SIRPG: variants seen among roughly 807,000 people sequenced by gnomAD.
SIRPG encodes the protein signal regulatory protein gamma.
In SIRPG, 38 loss-of-function variants were observed where a neutral mutation model predicts 35.7. The observed-to-expected ratio is 1.06, with a 90% CI of 0.82 to 1.40. The LOEUF is 1.40. Ranked by LOEUF, SIRPG falls within the 40% of genes most tolerant of loss-of-function variation. The pLI is 0.00. For synonymous variants in SIRPG, 215 were observed against 190.4 expected (o/e 1.13, Z -1.06); for missense variants, 519 against 483.0 (o/e 1.07, Z -0.70).
intron 2 of SIRPG, chr20:1,647,529 C>T (rs919572447): frequency 6.6e-6 from 1 of 152,184 alleles, no homozygotes; most frequent in African/African-American, 2.4e-5. Context: ...AATACACACA[C>T]CCTCTGACTT....
At chr20:1,680,523 T>C in the SIRPG span, among the ~76,000 whole-genome samples, 1 of 152,242 alleles carries the variant, frequency 6.6e-6, no homozygotes, top group African/African-American at 2.4e-5. Flanking sequence ...ACAGTTGGCA[T>C]TATTACTGCT....
At chr20:1,657,521 A>C in intron 1 of SIRPG, 121 bp downstream of exon 1, 1 of 956,682 alleles carries the variant, frequency 1.0e-6, no homozygotes, top group Non-Finnish European at 1.7e-6. Flanking sequence ...GCTCTTGGAC[A>C]ATGTCCAGTC....
the SIRPG span, among the ~76,000 whole-genome samples, chr20:1,669,600 G>A: frequency 2.0e-5 from 3 of 152,214 alleles, no homozygotes; most frequent in Non-Finnish European, 2.9e-5. Context: ...AAGAACAGCA[G>A]GAGGGCTGAT....
chr20:1,633,097 TAAG>T (rs1568722934), intron 4 of SIRPG, among the ~76,000 whole-genome samples: 1 of 151,842 alleles, frequency 6.6e-6, no homozygotes, highest in East Asian at 1.9e-4. Context: ...AAAAAGATAA[TAAG>T]GAGATATTAT....
chr20:1,685,823 T>A, the SIRPG span, among the ~76,000 whole-genome samples: 2 of 152,134 alleles, frequency 1.3e-5, no homozygotes, highest in African/African-American at 4.8e-5. Context: ...TCAGGCACTG[T>A]TTCAGACTTC....
chr20:1,649,054 C>A lies in SIRPG; in HGVS notation c.428G>T (p.Gly143Val), dbSNP rs1468867126. ...AGGGAGGTCCATGTTGTACTCACCA[C>A]CCAAAGCCATCTCAGTGCCTGGTCC... ...KSGPGTEMAL[G>V]AKPSAPVVLG... The change falls in exon 2 of 6, where the codon GGT becomes GTT. Residue 143 changes from glycine to valine, a missense_variant and splice_region_variant. Physicochemically the swap from Gly to Val is moderately radical, Grantham distance 109. Coordinates refer to ENST00000303415, the MANE Select transcript of SIRPG (RefSeq NM_018556.4). The A allele has an allele frequency of 1.2e-6, 2 of 1,613,256 alleles. No homozygotes were observed. The highest frequency in any genetic ancestry group is 4.5e-5 in the East Asian group (2 of 44,884).
chr20:1,642,052 G>C (rs1476688316), intron 2 of SIRPG, among the ~76,000 whole-genome samples: 1 of 152,208 alleles, frequency 6.6e-6, no homozygotes, highest in Non-Finnish European at 1.5e-5. Flanking sequence ...GTGGCACTGA[G>C]AACAATGTGT....
At chr20:1,666,734 TCACGTG>T in the SIRPG span, 1 of 152,168 alleles carries the variant, frequency 6.6e-6, no homozygotes, top group Non-Finnish European at 1.5e-5. Context: ...TCCTAGGACT[TCACGTG>T]CATGCATCAC....
chr20:1,680,839 T>TC, the SIRPG span, among the ~76,000 whole-genome samples: 1 of 152,192 alleles, frequency 6.6e-6, no homozygotes, highest in Non-Finnish European at 1.5e-5. Context: ...CTTGTTTTTT[T>TC]GGCACTATCT....
chr20:1,678,780 C>A, the SIRPG span, among the ~76,000 whole-genome samples: 490 of 152,214 alleles, frequency 3.2e-3, 3 homozygotes, highest in African/African-American at 0.011. Context: ...CACATTAAGA[C>A]ACATTATAAT....
chr20:1,643,501 C>A (rs528488915), intron 2 of SIRPG, among the ~76,000 whole-genome samples: 2 of 152,080 alleles, frequency 1.3e-5, no homozygotes, highest in African/African-American at 4.8e-5. Context: ...AGCTTCTTTG[C>A]GTTGGGTTAG....
chr20:1,644,527 C>G (rs546014129), intron 2 of SIRPG, among the ~76,000 whole-genome samples: 1 of 152,302 alleles, frequency 6.6e-6, no homozygotes, highest in Admixed American at 6.5e-5. Flanking sequence ...TGCCGCCTAT[C>G]TCCCAAGGAG....
At chr20:1,631,264 TC>T (rs1309190178) in intron 4 of SIRPG, among the ~76,000 whole-genome samples, 1 of 152,102 alleles carries the variant, frequency 6.6e-6, no homozygotes, top group African/African-American at 2.4e-5. Context: ...GGCCGGCAGT[TC>T]TCAGCTGGGT....
intron 4 of SIRPG, 50 bp from the exon 5 acceptor site, chr20:1,630,356 C>T: frequency 7.0e-7 from 1 of 1,436,634 alleles, no homozygotes; most frequent in South Asian, 1.2e-5. Flanking sequence ...CTTGGGAGGC[C>T]ATTGTAGGGG....
chr20:1,652,369 A>C (rs1420162388), intron 1 of SIRPG, among the ~76,000 whole-genome samples: 1 of 152,160 alleles, frequency 6.6e-6, no homozygotes, highest in African/African-American at 2.4e-5. Context: ...ACAAAATTAA[A>C]ATTTGTCAGG....
chr20:1,669,035 C>A, the SIRPG span, among the ~76,000 whole-genome samples: 1 of 152,210 alleles, frequency 6.6e-6, no homozygotes, highest in Non-Finnish European at 1.5e-5. Context: ...GGAGCAGAGA[C>A]CCCTCCTGGT....
intron 2 of SIRPG, among the ~76,000 whole-genome samples, chr20:1,640,464 C>A (rs913597910): frequency 1.3e-5 from 2 of 152,076 alleles, no homozygotes; most frequent in African/African-American, 4.8e-5. Context: ...ATTTTCTATC[C>A]TGAGACTTTG....
At chr20:1,633,045 T>C (rs1379081434) in intron 4 of SIRPG, among the ~76,000 whole-genome samples, 2 of 152,080 alleles carry the variant, frequency 1.3e-5, no homozygotes, top group East Asian at 3.9e-4. Context: ...ATTTTAGATA[T>C]GAGGTTGAAA....
rs148596804 is a variant in SIRPG, at chr20:1,635,324, G to A, written c.1024C>T (p.Arg342Cys). The A allele has an allele frequency of 2.4e-4, 385 of 1,614,180 alleles. 3 individuals are homozygous for A. In the African/African-American group the frequency reaches 3.6e-3, roughly 15 times the overall value. The change falls in exon 4 of 6, where the codon CGC becomes TGC. Residue 342 changes from arginine (R) to cysteine (C), a missense_variant. By Grantham distance (180) the Arg-to-Cys change is radical (BLOSUM62 -3). Transcript: ENST00000303415. The stretch of plus-strand genomic sequence containing the variant: ...TGGACTGTGACCTCTAGGGCAAGGC[G>A]TTTGCTGACCGCCAGCTGCCCATCA... Reference protein sequence around the residue: ...KHDGQLAVSKRLALEVTVHQK... With the variant: ...KHDGQLAVSKCLALEVTVHQK...
Sources: gnomAD v4.1 joint callset for allele counts (sites outside exome capture counted in the v4.1 genomes callset) on GRCh38, gnomAD v4.1.1 for gene constraint, MANE v1.5 for transcripts, NCBI Gene and HGNC (gene_info 2026-07-23, HGNC 2026-07-21) for gene names.